The following DLG2 variants were observed in gnomAD, a reference collection of about 807,000 sequenced individuals.
DLG2 encodes the protein discs large MAGUK scaffold protein 2, also known as disks large homolog 2.
In DLG2, 45 loss-of-function variants were observed where a neutral mutation model predicts 132.5. That is an observed-to-expected ratio of 0.34 (90% confidence interval 0.27 to 0.44). The LOEUF (loss-of-function observed/expected upper bound fraction) is 0.44, where lower values mean the gene tolerates loss of function less well. Among genes scored for constraint, DLG2 ranks in the 20% least tolerant of loss-of-function variants. DLG2 has a pLI of 1.00. For missense variants in DLG2, 1,045 were observed against 1,196.9 expected (o/e 0.87, Z 1.87); for synonymous variants, 424 against 419.6 (o/e 1.01, Z -0.13).
chr11:84,852,428 T>G (rs1395968050), intron 6 of DLG2, among the ~76,000 whole-genome samples: 3 of 152,152 alleles, frequency 2.0e-5, no homozygotes, highest in African/African-American at 7.2e-5. Context: ...CTATTGATAC[T>G]TGCCTCTGTA....
At chr11:85,464,904 C>T (rs1396992643) in intron 3 of DLG2, among the ~76,000 whole-genome samples, 1 of 150,854 alleles carries the variant, frequency 6.6e-6, no homozygotes. Context: ...GACACCCCGT[C>T]TCTACTAAAA....
rs192169096 is a variant in DLG2 at position 85,347,629 on chromosome 11, T to C, written c.41-62264A>G. On this transcript the variant is annotated intron_variant, in intron 3 of 27. Transcript: ENST00000376104. ...GGAGATTGAGGTAATCACCATGAAC[T>C]CCCCCATGATGTTAATTAATCTGTA... 2.1e-3 allele frequency among the ~76,000 whole-genome samples: 315 copies of C among 152,020 alleles called. 2 individuals are homozygous for C. The highest frequency in any genetic ancestry group is 4.1e-3 in the Non-Finnish European group (276 of 67,986).
intron 18 of DLG2, among the ~76,000 whole-genome samples, chr11:83,736,843 T>A (rs1593346000): frequency 6.6e-6 from 1 of 152,286 alleles, no homozygotes; most frequent in East Asian, 1.9e-4. Context: ...GCAAAGTGAT[T>A]CCAATGAAAC....
At chr11:85,037,594 A>G (rs758911291) in intron 6 of DLG2, among the ~76,000 whole-genome samples, 1 of 151,942 alleles carries the variant, frequency 6.6e-6, no homozygotes, top group African/African-American at 2.4e-5. Context: ...CTGCATCTAG[A>G]AAAAATTAAC....
intron 6 of DLG2, among the ~76,000 whole-genome samples, chr11:84,878,667 C>T (rs924558555): frequency 1.3e-5 from 2 of 151,966 alleles, no homozygotes; most frequent in African/African-American, 4.8e-5. Flanking sequence ...AACAAAGCTG[C>T]ACGTTCTGCA....
At chr11:84,271,448 A>G (rs563899116) in intron 7 of DLG2, among the ~76,000 whole-genome samples, 25 of 152,320 alleles carry the variant, frequency 1.6e-4, no homozygotes, top group Middle Eastern at 3.4e-3. Flanking sequence ...CCCTGCCCCT[A>G]CCACTACACC....
chr11:84,712,842 C>A (rs1174961543), intron 6 of DLG2, among the ~76,000 whole-genome samples: 1 of 152,052 alleles, frequency 6.6e-6, no homozygotes, highest in Non-Finnish European at 1.5e-5. Flanking sequence ...TCCAAAACTT[C>A]TAGTTCAGAG....
intron 11 of DLG2, among the ~76,000 whole-genome samples, chr11:84,030,864 C>T (rs1215326982): frequency 6.6e-6 from 1 of 152,086 alleles, no homozygotes; most frequent in Non-Finnish European, 1.5e-5. Flanking sequence ...GGGAAACTGA[C>T]AAGGGGTGCT....
chr11:84,267,596 A>C (rs1319751373), intron 7 of DLG2, among the ~76,000 whole-genome samples: 4 of 152,212 alleles, frequency 2.6e-5, no homozygotes, highest in African/African-American at 4.8e-5. Context: ...AAAGGACAAG[A>C]AGCACAGCAG....
At chr11:83,803,099 T>A (rs1168493556) in intron 17 of DLG2, among the ~76,000 whole-genome samples, 1 of 152,146 alleles carries the variant, frequency 6.6e-6, no homozygotes, top group Non-Finnish European at 1.5e-5. Flanking sequence ...TATGATAATA[T>A]TTATAGAAAA....
At chr11:84,805,094 G>T (rs923517727) in intron 6 of DLG2, among the ~76,000 whole-genome samples, 21 of 152,020 alleles carry the variant, frequency 1.4e-4, no homozygotes, top group African/African-American at 4.6e-4. Flanking sequence ...GCCCCTCATT[G>T]TGTCAGTAGA....
chr11:85,617,027 A>G (rs887360885), intron 2 of DLG2, among the ~76,000 whole-genome samples: 1 of 152,208 alleles, frequency 6.6e-6, no homozygotes, highest in Admixed American at 6.5e-5. Context: ...ACCCCAGGGA[A>G]GTGGGGAAAA....
chr11:83,602,743 A>G (rs1449982353), intron 19 of DLG2, among the ~76,000 whole-genome samples: 1 of 152,242 alleles, frequency 6.6e-6, no homozygotes. Flanking sequence ...AGTGAAGAAC[A>G]GAAAAAATGA....
At chr11:84,766,951 G>A (rs1389621621) in intron 6 of DLG2, among the ~76,000 whole-genome samples, 1 of 152,044 alleles carries the variant, frequency 6.6e-6, no homozygotes, top group Non-Finnish European at 1.5e-5. Context: ...AAGACCATGT[G>A]CATCTCACTA....
intron 21 of DLG2, among the ~76,000 whole-genome samples, chr11:83,497,170 A>C (rs1156251089): frequency 6.6e-6 from 1 of 152,208 alleles, no homozygotes; most frequent in Non-Finnish European, 1.5e-5. Flanking sequence ...TGGAGAGAAA[A>C]TGTGGGCAAA....
chr11:83,500,660 ATTTT>A (rs2094414356), intron 21 of DLG2, among the ~76,000 whole-genome samples: 1 of 149,754 alleles, frequency 6.7e-6, no homozygotes, highest in Non-Finnish European at 1.5e-5. Context: ...TTATTTATTT[ATTTT>A]ATTTACTAAT....
At chr11:83,473,787 T>C (rs2092345349) in intron 22 of DLG2, among the ~76,000 whole-genome samples, 1 of 152,076 alleles carries the variant, frequency 6.6e-6, no homozygotes, top group Non-Finnish European at 1.5e-5. Flanking sequence ...TCATAGTCTA[T>C]CAATGCCAGG....
chr11:85,500,594 A>T (rs286531), intron 3 of DLG2, among the ~76,000 whole-genome samples: 130,804 of 148,424 alleles, frequency 0.88, 57,961 homozygotes, highest in Non-Finnish European at 0.91. Context: ...ACAAAATCAA[A>T]GTGTAAAATC....
intron 3 of DLG2, among the ~76,000 whole-genome samples, chr11:85,367,637 T>A (rs1413729187): frequency 6.6e-6 from 1 of 152,160 alleles, no homozygotes; most frequent in Non-Finnish European, 1.5e-5. Flanking sequence ...CTAAACATTG[T>A]GTGTGTCAGT....
Sources: gnomAD v4.1 joint callset for allele counts (sites outside exome capture counted in the v4.1 genomes callset) on GRCh38, gnomAD v4.1.1 for gene constraint, MANE v1.5 for transcripts, NCBI Gene and HGNC (gene_info 2026-07-23, HGNC 2026-07-21) for gene names.